The following COL6A3 variants were observed in gnomAD, a reference collection of about 807,000 sequenced individuals.
COL6A3 encodes collagen type VI alpha 3 chain.
A neutral mutation model predicts 274.1 loss-of-function variants in COL6A3; 137 were observed. The observed-to-expected ratio is 0.50, with a 90% CI of 0.44 to 0.58. The LOEUF is 0.58. Ranked by LOEUF, COL6A3 falls within the 20% of genes least tolerant of loss-of-function variation. The pLI, the probability that COL6A3 is intolerant of heterozygous loss-of-function variation, is 0.00. For synonymous variants in COL6A3, 1,650 were observed against 1,650.6 expected (o/e 1.00, Z 0.01); for missense variants, 3,950 against 4,124.9 (o/e 0.96, Z 1.16).
At chr2:237,351,668 GA>G (rs1331998712) in intron 26 of COL6A3, among the ~76,000 whole-genome samples, 2 of 152,182 alleles carry the variant, frequency 1.3e-5, no homozygotes, top group African/African-American at 4.8e-5. Context: ...AAGAGATGGT[GA>G]AAAAGTGCAA....
At position 237,371,023 on chromosome 2, in the gene COL6A3, TATACCAAGGCC is replaced by T. The variant is rs2077673306; in HGVS notation, c.4285+698_4285+708del. Among the ~76,000 whole-genome samples, 1 of 152,220 alleles carries T rather than the reference TATACCAAGGCC, an allele frequency of 6.6e-6. No homozygotes were observed. Among genetic ancestry groups the T allele is most frequent in the South Asian group, 2.1e-4 (1 of 4,826 alleles). ...GAGTGACTGCTCTTCTCTACCAATC[TATACCAAGGCC>T]ATCCTGCTTCTAGGTAAGACTTAAG... On this transcript the variant is annotated intron_variant, in intron 9 of 43. Coordinates refer to ENST00000295550, the MANE Select transcript of COL6A3 (RefSeq NM_004369.4). The surrounding 1 kb of genome is among the most constrained non-coding windows in gnomAD (Gnocchi z 4.3).
chr2:237,366,505 C>A (rs140518966), intron 11 of COL6A3, among the ~76,000 whole-genome samples, 182 bp downstream of exon 11: 51 of 152,278 alleles, frequency 3.3e-4, no homozygotes, highest in African/African-American at 1.1e-3. Context: ...CTACTCTTGT[C>A]TTGGAAGAAC....
At chr2:237,391,670 G>A (rs1233172171) in intron 3 of COL6A3, among the ~76,000 whole-genome samples, 2 of 151,972 alleles carry the variant, frequency 1.3e-5, no homozygotes, top group Non-Finnish European at 2.9e-5. Context: ...GATTACAGAC[G>A]CCCACCACCA....
At chr2:237,348,455 A>G in intron 29 of COL6A3, 71 bp from the exon 30 acceptor site, 1 of 1,430,586 alleles carries the variant, frequency 7.0e-7, no homozygotes, top group Non-Finnish European at 9.8e-7. Context: ...TTGACCTTGA[A>G]AGAAAGAAAT....
chr2:237,341,940 G>A lies in COL6A3; in HGVS notation c.7765+125C>T, dbSNP rs140635358. On this transcript the variant is annotated intron_variant, in intron 37 of 43. Coordinates refer to ENST00000295550, the MANE Select transcript of COL6A3 (RefSeq NM_004369.4). ...CAGTAGTATTTACTCTGGTAAATAC[G>A]AGGCTTTGTGAATCAATTGAACTCA... 5.2e-5 allele frequency: 42 copies of A among 814,134 alleles called. No individual in the cohort carries two copies. The East Asian group carries it at 8.5e-4, about 17-fold the overall frequency. 50.4% of individuals were successfully genotyped at this position (814,134 alleles called of 1,614,324 possible). A position where few individuals can be genotyped will look rare whatever the true frequency, so the allele number is the denominator to read the frequency against.
chr2:237,373,292 C>T (rs926663575), intron 8 of COL6A3, among the ~76,000 whole-genome samples: 1 of 152,192 alleles, frequency 6.6e-6, no homozygotes, highest in Non-Finnish European at 1.5e-5. Context: ...ATCACAGAGG[C>T]CTCCTGCAGG....
intron 1 of COL6A3, among the ~76,000 whole-genome samples, chr2:237,410,628 A>G (rs1574787345): frequency 1.3e-5 from 2 of 152,192 alleles, no homozygotes; most frequent in Non-Finnish European, 1.5e-5. Context: ...CTCTTTCCCA[A>G]AATGGACTAT....
intron 42 of COL6A3, chr2:237,328,990 T>C (rs189980871): frequency 1.3e-5 from 2 of 152,322 alleles, no homozygotes; most frequent in Admixed American, 1.3e-4. Context: ...CTTTCCGCCG[T>C]CTACATTTTG....
chr2:237,382,024 T>C (rs969945835), intron 4 of COL6A3, among the ~76,000 whole-genome samples: 1 of 152,138 alleles, frequency 6.6e-6, no homozygotes, highest in African/African-American at 2.4e-5. Flanking sequence ...TTACTTAACA[T>C]AAAACGTATA....
chr2:237,355,030 G>A (rs1470403335), intron 23 of COL6A3, 96 bp from the exon 24 acceptor site: 3 of 1,157,014 alleles, frequency 2.6e-6, no homozygotes, highest in African/African-American at 3.1e-5. Context: ...TTATTCTGCG[G>A]TTACTCAGGG....
At chr2:237,335,116 A>T (rs1700470819) in intron 40 of COL6A3, among the ~76,000 whole-genome samples, 1 of 152,220 alleles carries the variant, frequency 6.6e-6, no homozygotes, top group African/African-American at 2.4e-5. Flanking sequence ...CTCATTATTC[A>T]TCAACTTTTT....
At chr2:237,332,971 C>G (rs1391435690) in intron 42 of COL6A3, 3 of 225,084 alleles carry the variant, frequency 1.3e-5, no homozygotes, top group African/African-American at 6.7e-5. Context: ...GACTCACACA[C>G]TAAGCTGGGG....
rs1053662584 is a variant in COL6A3, at chr2:237,353,212, G to A, written c.6690+129C>T. The A allele has an allele frequency of 3.5e-6, 3 of 868,710 alleles. No homozygotes were observed. The Admixed American group carries it at 6.0e-5, about 17-fold the overall frequency. The allele number at this position is 868,710 out of a possible 1,614,324, so 53.8% of individuals were successfully genotyped here. A position where few individuals can be genotyped will look rare whatever the true frequency, so the allele number is the denominator to read the frequency against. On this transcript the variant is annotated intron_variant, in intron 25 of 43. Transcript: ENST00000295550. Reference sequence around the variant, plus strand: ...GAGGTGATGATTGCACAGCATTGTGGAAGTACCAAATGCCACTGGATTGTT... The same window carrying A: ...GAGGTGATGATTGCACAGCATTGTGAAAGTACCAAATGCCACTGGATTGTT...
In COL6A3 at chr2:237,381,203, A is replaced by G; in HGVS notation, c.1609T>C (p.Phe537Leu). ...SALDFVRNNL[F>L]TSSAGYRAAE... is the part of the protein sequence containing the mutation. ...GCCCGGTAGCCGGCTGAACTCGTGA[A>G]TAGGTTGTTACGAACAAAGTCTAGA... Residue 537 changes from phenylalanine to leucine, a missense_variant, in exon 5 of 44, where the codon TTC (phenylalanine) becomes CTC (leucine). Phe to Leu is a conservative substitution (Grantham distance 22). Transcript: ENST00000295550. The G allele has an allele frequency of 1.9e-6, 3 of 1,614,284 alleles. No homozygotes were observed. The highest frequency in any genetic ancestry group is 2.5e-6 in the Non-Finnish European group (3 of 1,180,056).
chr2:237,394,955 C>T lies in COL6A3; in HGVS notation c.341G>A (p.Gly114Glu), dbSNP rs755534257. The stretch of plus-strand genomic sequence containing the variant: ...TAATCCTTTTCCAGTCTGATTGGTT[C>T]CCCCAATATAAGACATGTTGGAAAT... ...SHISNMSYIG[G>E]TNQTGKGLEY... The change falls in exon 3 of 44, where the codon GGA (glycine) becomes GAA (glutamate). Residue 114 changes from glycine to glutamate, a missense_variant. Around this residue, in one of 5 missense-constraint regions of COL6A3, gnomAD observed 1,934 missense variants for 1,984.3 expected, o/e 0.97. Coordinates refer to ENST00000295550, the MANE Select transcript of COL6A3 (RefSeq NM_004369.4). 3.1e-6 allele frequency: 5 copies of T among 1,614,020 alleles called. No individual in the cohort carries two copies. The highest frequency in any genetic ancestry group is 1.1e-5 in the South Asian group (1 of 91,048).
Position 237,336,149 on chromosome 2 carries a change from G to A in COL6A3, c.8951C>T (p.Thr2984Ile), listed in dbSNP as rs1292822408. 1 of 1,613,618 alleles carries A rather than the reference G, an allele frequency of 6.2e-7. No individual in the cohort carries two copies. Among genetic ancestry groups the A allele is most frequent in the East Asian group, 2.2e-5 (1 of 44,892 alleles). ...GGCTTTCTTACCCATGGGCTTAGTG[G>A]TGGCTGGCTTGGTGGCAGCTGGTTT... is the stretch of plus-strand genomic sequence containing the variant. ...AAKPAATKPATTKPMVKMSRE... is the reference protein window; with the variant it reads ...AAKPAATKPAITKPMVKMSRE... Residue 2984 changes from threonine to isoleucine, a missense_variant, in exon 40 of 44, where the codon ACC becomes ATC. Transcript: ENST00000295550.
chr2:237,398,936 G>T (rs182928037), intron 1 of COL6A3, among the ~76,000 whole-genome samples: 4 of 152,270 alleles, frequency 2.6e-5, no homozygotes, highest in African/African-American at 9.6e-5. Context: ...GATCATTGCA[G>T]TTTTTCATAA....
Position 237,336,376 on chromosome 2 carries a change from G to A in COL6A3, c.8724C>T (p.Ala2908=), listed in dbSNP as rs114684687. ...GTTTCGCAGGGGCCGGCTTTGCAGC[G>A]GCTGGCTTCACAGATGGCTGATTTA... is the stretch of plus-strand genomic sequence containing the variant. The part of the protein sequence containing the change: ...TIINQPSVKP[A]AAKPAPAKPV... The change falls in exon 40 of 44, where the codon GCC becomes GCT. Residue 2908 remains alanine (A), a synonymous_variant. Coordinates refer to ENST00000295550, the MANE Select transcript of COL6A3 (RefSeq NM_004369.4). 9.1e-5 allele frequency: 147 copies of A among 1,614,194 alleles called. No homozygotes were observed. The highest frequency in any genetic ancestry group is 4.3e-4 in the African/African-American group (32 of 75,042).
chr2:237,395,249 A>C (rs761816533), intron 2 of COL6A3, 45 bp from the exon 3 acceptor site: 3 of 1,603,354 alleles, frequency 1.9e-6, no homozygotes, highest in Admixed American at 1.7e-5. Flanking sequence ...TATGTAAGCA[A>C]TTACTTCCTA....
Sources: gnomAD v4.1 joint callset for allele counts (sites outside exome capture counted in the v4.1 genomes callset) on GRCh38, gnomAD v4.1.1 for gene constraint, gnomAD v4.1.1 regional missense constraint, Gnocchi (gnomAD v3.1) non-coding constraint, MANE v1.5 for transcripts, NCBI Gene and HGNC (gene_info 2026-07-23, HGNC 2026-07-21) for gene names.